HAVCR1: variants seen among roughly 807,000 people sequenced by gnomAD.
HAVCR1 encodes T cell immunoglobin domain and mucin domain protein 1.
Under a neutral mutation model 32.0 loss-of-function variants are expected in HAVCR1, and 34 were observed. The ratio of observed to expected loss-of-function variants is 1.06; its 90% CI spans 0.81 to 1.42. The LOEUF is 1.42. Ranked by LOEUF, HAVCR1 falls within the 40% of genes most tolerant of loss-of-function variation. The pLI is 0.00. For missense variants in HAVCR1, 420 were observed against 442.3 expected (o/e 0.95, Z 0.45); for synonymous variants, 178 against 170.3 (o/e 1.05, Z -0.35).
At chr5:157,041,897 A>G (rs1020200277) in intron 6 of HAVCR1, among the ~76,000 whole-genome samples, 1 of 152,084 alleles carries the variant, frequency 6.6e-6, no homozygotes. Flanking sequence ...CACCTCTACT[A>G]AAAATACAAA....
chr5:157,040,546 T>C (rs1399070459), intron 6 of HAVCR1, among the ~76,000 whole-genome samples: 1 of 152,236 alleles, frequency 6.6e-6, no homozygotes, highest in Non-Finnish European at 1.5e-5. Flanking sequence ...CCCACTTTGA[T>C]CATTTTGAAT....
intron 8 of HAVCR1, among the ~76,000 whole-genome samples, chr5:157,032,632 T>C (rs1285652518): frequency 6.6e-6 from 1 of 152,200 alleles, no homozygotes; most frequent in Non-Finnish European, 1.5e-5. Context: ...GGGGTTTGCT[T>C]AGGATTGAGG....
intron 2 of HAVCR1, among the ~76,000 whole-genome samples, 171 bp downstream of exon 2, chr5:157,057,727 T>C (rs755282076): frequency 6.6e-6 from 1 of 152,206 alleles, no homozygotes; most frequent in Non-Finnish European, 1.5e-5. Context: ...TTCTTTGGCC[T>C]AAAACTTTAT....
intron 6 of HAVCR1, among the ~76,000 whole-genome samples, chr5:157,039,045 G>A (rs115724256): frequency 7.7e-4 from 117 of 152,276 alleles, no homozygotes; most frequent in African/African-American, 2.7e-3. Flanking sequence ...ACTTGAGCCT[G>A]GGAGGATGAG....
chr5:157,044,586 G>GGAAA (rs72157678), intron 5 of HAVCR1, among the ~76,000 whole-genome samples: 756 of 56,362 alleles, frequency 0.013, 39 homozygotes, highest in African/African-American at 0.025. Flanking sequence ...AAAGAAAGAA[G>GGAAA]GAAAGAAAGA....
upstream of HAVCR1, among the ~76,000 whole-genome samples, chr5:157,061,322 A>T (rs1756485419): frequency 6.6e-6 from 1 of 152,194 alleles, no homozygotes; most frequent in African/African-American, 2.4e-5. Flanking sequence ...TTTCAAAAAA[A>T]TAAATTAATT....
intron 6 of HAVCR1, among the ~76,000 whole-genome samples, chr5:157,037,829 C>A (rs997130718): frequency 1.3e-5 from 2 of 152,228 alleles, no homozygotes; most frequent in Non-Finnish European, 2.9e-5. Flanking sequence ...GCCTGGGCAA[C>A]ATGGTGAAAC....
rs911307260 is a variant in HAVCR1 at position 157,055,855 on chromosome 5, C to T, written c.47-322G>A. Among the ~76,000 whole-genome samples, 3 of 148,682 alleles carry T rather than the reference C, an allele frequency of 2.0e-5. No homozygotes were observed. In the East Asian group the frequency reaches 5.9e-4, roughly 29 times the overall value. ...ACTCCAGCCTGGGTGACAGAGCAGA[C>T]TCTGTCTCCCCCTCCCCCAAAAAAA... On this transcript the variant is annotated intron_variant, in intron 2 of 8. Transcript: ENST00000523175.
intron 4 of HAVCR1, among the ~76,000 whole-genome samples, chr5:157,049,689 A>G (rs1458472563): frequency 1.3e-5 from 2 of 152,196 alleles, no homozygotes; most frequent in South Asian, 2.1e-4. Flanking sequence ...TACAATATTA[A>G]TTCCTTGAGG....
chr5:157,029,597 A>T lies in HAVCR1; in HGVS notation c.*136T>A. On this transcript the variant is annotated 3_prime_UTR_variant, in exon 9 of 9. Coordinates refer to ENST00000523175, the MANE Select transcript of HAVCR1 (RefSeq NM_001173393.3). Reference sequence around the variant, plus strand: ...GAGTGAGAGAGTTACTCTACCCAGTATCACTGACATGTTGGAATGCCAGAT... The same window carrying T: ...GAGTGAGAGAGTTACTCTACCCAGTTTCACTGACATGTTGGAATGCCAGAT... The T allele has an allele frequency of 6.5e-7, 1 of 1,539,906 alleles. No individual in the cohort carries two copies. The highest frequency in any genetic ancestry group is 8.7e-7 in the Non-Finnish European group (1 of 1,146,742).
chr5:157,048,841 G>T (rs201395256), intron 5 of HAVCR1, among the ~76,000 whole-genome samples, 197 bp downstream of exon 5: 85 of 47,756 alleles, frequency 1.8e-3, no homozygotes, highest in Non-Finnish European at 2.9e-3. Context: ...GAAAAAAAAA[G>T]AAAACACACA....
chr5:157,042,299 G>A (rs1332379616), intron 6 of HAVCR1, among the ~76,000 whole-genome samples: 8 of 149,862 alleles, frequency 5.3e-5, no homozygotes, highest in South Asian at 2.1e-4. Flanking sequence ...AAAATTAGCC[G>A]GGCATGGTGG....
chr5:157,042,822 T>A (rs1754991257), intron 5 of HAVCR1, 140 bp from the exon 6 acceptor site: 3 of 546,552 alleles, frequency 5.5e-6, no homozygotes, highest in African/African-American at 1.9e-5. Context: ...ACTGCAAGAG[T>A]CATACCAAGT....
chr5:157,036,108 C>T (rs1046562328), intron 7 of HAVCR1, among the ~76,000 whole-genome samples: 28 of 152,162 alleles, frequency 1.8e-4, no homozygotes, highest in African/African-American at 3.9e-4. Context: ...TTTGGGAGGC[C>T]GAGGCAGGTG....
chr5:157,044,476 G>GAAAGA (rs1472899784), intron 5 of HAVCR1, among the ~76,000 whole-genome samples: 1 of 39,728 alleles, frequency 2.5e-5, no homozygotes, highest in African/African-American at 1.2e-4. Context: ...AGAAAGGAAG[G>GAAAGA]AAGGAAGGAA....
In HAVCR1 at chr5:157,055,417, A is replaced by C; in HGVS notation, c.163T>G (p.Phe55Val). 6.2e-7 allele frequency: 1 copy of C among 1,612,720 alleles called. No homozygotes were observed. The highest frequency in any genetic ancestry group is 8.5e-7 in the Non-Finnish European group (1 of 1,178,694). The change falls in exon 3 of 9, where the codon TTC (phenylalanine) becomes GTC (valine). Residue 55 changes from phenylalanine (F) to valine (V), a missense_variant. Physicochemically the swap from Phe to Val is conservative, Grantham distance 50 (BLOSUM62 -1). Transcript: ENST00000523175. The part of the protein sequence containing the change: ...MCWNRGSCSL[F>V]TCQNGIVWTN... ...CAGACAATGCCATTTTGGCATGTGA[A>C]TAGAGAACATGAGCCTCTATTCCAG...
At chr5:157,042,213 C>T (rs9313418) in intron 6 of HAVCR1, among the ~76,000 whole-genome samples, 33,316 of 151,698 alleles carry the variant, frequency 0.22, 3,870 homozygotes, top group Middle Eastern at 0.35. Context: ...CATCCCGAGG[C>T]GGGCGGATCA....
intron 5 of HAVCR1, among the ~76,000 whole-genome samples, chr5:157,044,181 A>T (rs555501920): frequency 6.6e-6 from 1 of 151,784 alleles, no homozygotes; most frequent in Non-Finnish European, 1.5e-5. Flanking sequence ...AAAATATAAA[A>T]AATTAGCCAG....
At position 157,055,255 on chromosome 5, in the gene HAVCR1, G is replaced by A. The variant is rs1756043044; in HGVS notation, c.325C>T (p.His109Tyr). The change falls in exon 3 of 9, where the codon CAC becomes TAC. Residue 109 changes from histidine (H) to tyrosine (Y), a missense_variant. His to Tyr is a moderately conservative substitution (Grantham distance 83, BLOSUM62 2). Transcript: ENST00000523175. ...TTCATGTCATTGAACCACCCACGGT[G>A]CTCAACACGGCAACAATATACGCCA... Reference protein sequence around the residue: ...DSGVYCCRVEHRGWFNDMKIT... With the variant: ...DSGVYCCRVEYRGWFNDMKIT... 6.2e-7 allele frequency: 1 copy of A among 1,611,580 alleles called. No homozygotes were observed. The highest frequency in any genetic ancestry group is 1.1e-5 in the South Asian group (1 of 90,864).
Sources: allele counts gnomAD v4.1 joint callset (sites outside exome capture counted in the v4.1 genomes callset), GRCh38; gene constraint gnomAD v4.1.1; transcripts MANE v1.5; gene names NCBI Gene and HGNC (gene_info 2026-07-23, HGNC 2026-07-21).